The following DLG2 variants were observed in gnomAD, a reference collection of about 807,000 sequenced individuals.
DLG2 encodes discs large MAGUK scaffold protein 2.
In DLG2, 45 loss-of-function variants were observed where a neutral mutation model predicts 132.5. The ratio of observed to expected loss-of-function variants is 0.34; its 90% CI spans 0.27 to 0.44. The LOEUF (loss-of-function observed/expected upper bound fraction) is 0.44, where lower values mean the gene tolerates loss of function less well. Ranked by LOEUF, DLG2 falls within the 20% of genes least tolerant of loss-of-function variation. DLG2 has a pLI of 1.00. For missense variants in DLG2, 1,045 were observed against 1,196.9 expected, an observed-to-expected ratio of 0.87 and a Z score of 1.87; for synonymous variants, 424 against 419.6, an observed-to-expected ratio of 1.01 and a Z score of -0.13.
intron 6 of DLG2, among the ~76,000 whole-genome samples, chr11:84,828,491 G>A (rs1435869918): frequency 6.6e-6 from 1 of 151,756 alleles, no homozygotes; most frequent in Non-Finnish European, 1.5e-5. Flanking sequence ...ATAAATAGCA[G>A]TAAGTAAAAA....
intron 8 of DLG2, among the ~76,000 whole-genome samples, chr11:84,198,833 G>T (rs968184910): frequency 2.0e-5 from 3 of 152,092 alleles, no homozygotes; most frequent in Non-Finnish European, 4.4e-5. Context: ...AAAATCTAGA[G>T]AGTATAAAAG....
intron 18 of DLG2, among the ~76,000 whole-genome samples, chr11:83,782,702 G>A (rs2153873591): frequency 6.6e-6 from 1 of 152,270 alleles, no homozygotes; most frequent in East Asian, 1.9e-4. Context: ...GGGGTACAAT[G>A]AGAAAGGCTG....
intron 2 of DLG2, among the ~76,000 whole-genome samples, chr11:85,617,774 T>G (rs554409176): frequency 5.9e-5 from 9 of 152,338 alleles, no homozygotes; most frequent in African/African-American, 2.2e-4. Context: ...TTACCATGCT[T>G]TTAATGATAA....
At chr11:84,430,380 A>G (rs535474753) in intron 7 of DLG2, among the ~76,000 whole-genome samples, 3 of 150,802 alleles carry the variant, frequency 2.0e-5, no homozygotes, top group South Asian at 2.1e-4. Flanking sequence ...CGGAGGTTGT[A>G]GTGAGCCGAG....
intron 3 of DLG2, among the ~76,000 whole-genome samples, chr11:85,477,581 G>C (rs1256169880): frequency 2.0e-5 from 3 of 152,142 alleles, no homozygotes; most frequent in Non-Finnish European, 2.9e-5. Context: ...GTGTTTCTGA[G>C]TTACTTGTGT....
In DLG2 at chr11:85,583,058, ATAT is replaced by A. The variant is rs1435251549; in HGVS notation, c.40+15596_40+15598del. ...AACTAGAAACCAGGGGAAAAAAAAA[ATAT>A]ATATATATATATATATAATATATGT... On this transcript the variant is annotated intron_variant, in intron 3 of 27. Coordinates refer to ENST00000376104, the MANE Select transcript of DLG2 (RefSeq NM_001142699.3). 3.5e-4 allele frequency among the ~76,000 whole-genome samples: 27 copies of A among 76,586 alleles called. 1 individual carries two copies. The highest frequency in any genetic ancestry group is 1.3e-3 in the African/African-American group (20 of 15,508). The allele number at this position is 76,586 out of a possible 152,430, so 50.2% of individuals were successfully genotyped here. A position where few individuals can be genotyped will look rare whatever the true frequency, so the allele number is the denominator to read the frequency against.
intron 17 of DLG2, among the ~76,000 whole-genome samples, chr11:83,798,605 T>C (rs773107138): frequency 5.3e-5 from 8 of 152,148 alleles, no homozygotes; most frequent in Non-Finnish European, 1.2e-4. Context: ...GCACCACATT[T>C]CAATTAAAAT....
intron 4 of DLG2, among the ~76,000 whole-genome samples, chr11:85,238,312 T>G (rs11821856): frequency 0.021 from 3,138 of 151,540 alleles, 109 homozygotes; most frequent in African/African-American, 0.07. Flanking sequence ...GGCACTATCT[T>G]GGCTCACTGC....
intron 7 of DLG2, among the ~76,000 whole-genome samples, chr11:84,486,332 T>A (rs1170884478): frequency 6.6e-6 from 1 of 151,962 alleles, no homozygotes; most frequent in Non-Finnish European, 1.5e-5. Flanking sequence ...TAACACAGAG[T>A]GGGTTAGGTT....
At chr11:85,561,848 C>T (rs1224698568) in intron 3 of DLG2, among the ~76,000 whole-genome samples, 1 of 151,736 alleles carries the variant, frequency 6.6e-6, no homozygotes, top group African/African-American at 2.4e-5. Flanking sequence ...TTATAATATG[C>T]CAGTTACTAT....
chr11:85,434,496 C>T (rs371019544), intron 3 of DLG2, among the ~76,000 whole-genome samples: 1 of 151,836 alleles, frequency 6.6e-6, no homozygotes, highest in Non-Finnish European at 1.5e-5. Context: ...TGGGATATCA[C>T]CACTGACCCC....
intron 6 of DLG2, among the ~76,000 whole-genome samples, chr11:84,715,412 CTT>C (rs1028536002): frequency 4.6e-5 from 7 of 152,022 alleles, no homozygotes; most frequent in African/African-American, 1.7e-4. Context: ...AATCTACTCT[CTT>C]AGCAAATTTC....
chr11:84,021,367 A>C (rs1047901119), intron 11 of DLG2, among the ~76,000 whole-genome samples: 2 of 151,902 alleles, frequency 1.3e-5, no homozygotes, highest in Non-Finnish European at 2.9e-5. Flanking sequence ...AAAAAAAATG[A>C]TTTACAATCT....
chr11:85,383,164 A>G (rs1029227678), intron 3 of DLG2, among the ~76,000 whole-genome samples: 1 of 152,200 alleles, frequency 6.6e-6, no homozygotes, highest in African/African-American at 2.4e-5. Context: ...AGAATTAAGT[A>G]CTAATGTCTA....
At chr11:84,260,679 T>C (rs764122643) in intron 7 of DLG2, among the ~76,000 whole-genome samples, 1 of 152,166 alleles carries the variant, frequency 6.6e-6, no homozygotes, top group Non-Finnish European at 1.5e-5. Context: ...GACGGAACTT[T>C]CTCTTGTCTA....
intron 7 of DLG2, among the ~76,000 whole-genome samples, chr11:84,332,969 G>A (rs1194087267): frequency 6.6e-6 from 1 of 152,188 alleles, no homozygotes; most frequent in Non-Finnish European, 1.5e-5. Flanking sequence ...CTCTTGTTGA[G>A]ACCCAGTAGA....
chr11:84,060,762 C>T (rs887665985), intron 10 of DLG2, among the ~76,000 whole-genome samples: 1 of 152,120 alleles, frequency 6.6e-6, no homozygotes, highest in African/African-American at 2.4e-5. Context: ...TCTCAGATCA[C>T]CATGTTGCTC....
intron 7 of DLG2, among the ~76,000 whole-genome samples, chr11:84,491,605 G>A (rs2099165421): frequency 6.6e-6 from 1 of 152,192 alleles, no homozygotes; most frequent in East Asian, 1.9e-4. Flanking sequence ...CTAATATGGT[G>A]AACACAGCTG....
rs139868687 is a variant in DLG2 at position 83,821,111 on chromosome 11, G to A, written c.1722+12503C>T. ...GATGCAATGATGATGCAGACATAAC[G>A]CTTATGCTTACTGACCTCCATACTA... On this transcript the variant is annotated intron_variant, in intron 17 of 27. Coordinates refer to ENST00000376104, the MANE Select transcript of DLG2 (RefSeq NM_001142699.3). 1.3e-3 allele frequency among the ~76,000 whole-genome samples: 201 copies of A among 152,302 alleles called. 1 individual carries two copies. The highest frequency in any genetic ancestry group is 4.6e-3 in the African/African-American group (192 of 41,564).
Sources: gnomAD v4.1 joint callset for allele counts (sites outside exome capture counted in the v4.1 genomes callset) on GRCh38, gnomAD v4.1.1 for gene constraint, MANE v1.5 for transcripts, NCBI Gene and HGNC (gene_info 2026-07-23, HGNC 2026-07-21) for gene names.